ABTB2: variants seen among roughly 807,000 people sequenced by gnomAD.
ABTB2 encodes ankyrin repeat and BTB/POZ domain-containing protein 2.
ABTB2 carries 56 observed loss-of-function variants against 104.1 expected under a neutral mutation model. That is an observed-to-expected ratio of 0.54 (90% confidence interval 0.43 to 0.67). ABTB2 has a LOEUF of 0.67. Among genes scored for constraint, ABTB2 ranks in the 30% least tolerant of loss-of-function variants. The pLI is 0.00. For missense variants in ABTB2, 1,279 were observed against 1,407.7 expected, an observed-to-expected ratio of 0.91 and a Z score of 1.46; for synonymous variants, 606 against 608.2, an observed-to-expected ratio of 1.00 and a Z score of 0.05.
chr11:34,311,058 C>G (rs1349696555), intron 1 of ABTB2, among the ~76,000 whole-genome samples: 1 of 152,212 alleles, frequency 6.6e-6, no homozygotes, highest in African/African-American at 2.4e-5. Context: ...AGCCTGACCC[C>G]TTCCACTGCC....
intron 4 of ABTB2, 139 bp from the exon 5 acceptor site, chr11:34,171,210 G>A (rs1852870011): frequency 7.2e-6 from 6 of 835,828 alleles, no homozygotes; most frequent in Middle Eastern, 5.9e-4. Flanking sequence ...GATCAGATCA[G>A]CAATTACTGT....
chr11:34,329,705 A>G (rs1239532720), intron 1 of ABTB2, among the ~76,000 whole-genome samples: 1 of 152,380 alleles, frequency 6.6e-6, no homozygotes, highest in East Asian at 1.9e-4. Context: ...TAATGGAGCC[A>G]ACCCAGGAGC....
intron 1 of ABTB2, among the ~76,000 whole-genome samples, chr11:34,355,551 G>C (rs115106474): frequency 6.6e-6 from 1 of 152,104 alleles, no homozygotes; most frequent in Non-Finnish European, 1.5e-5. Flanking sequence ...ACACATTAAG[G>C]GTTATTTTGC....
chr11:34,281,193 G>A (rs1168663191), intron 1 of ABTB2, among the ~76,000 whole-genome samples: 1 of 152,160 alleles, frequency 6.6e-6, no homozygotes, highest in African/African-American at 2.4e-5. Flanking sequence ...GTGTACAGGT[G>A]TGGGCATCTT....
chr11:34,313,955 T>C (rs757377676), intron 1 of ABTB2, among the ~76,000 whole-genome samples: 18 of 152,044 alleles, frequency 1.2e-4, no homozygotes, highest in Non-Finnish European at 2.5e-4. Flanking sequence ...GTGGGGCAGG[T>C]TGGAGGGCAC....
intron 1 of ABTB2, among the ~76,000 whole-genome samples, chr11:34,221,826 G>A (rs917190705): frequency 1.3e-5 from 2 of 152,200 alleles, no homozygotes; most frequent in East Asian, 3.9e-4. Flanking sequence ...ATCACCTGAG[G>A]TCGGGAGTTC....
intron 1 of ABTB2, among the ~76,000 whole-genome samples, chr11:34,282,245 T>C (rs778638348): frequency 1.3e-5 from 2 of 152,088 alleles, no homozygotes; most frequent in Non-Finnish European, 2.9e-5. Context: ...TATCAACATA[T>C]GAATCTGGGG....
intron 10 of ABTB2, among the ~76,000 whole-genome samples, chr11:34,161,296 T>G (rs1852718134): frequency 6.6e-6 from 1 of 151,980 alleles, no homozygotes; most frequent in East Asian, 1.9e-4. Flanking sequence ...TAGGTCTTGC[T>G]GGCAGGTCAG....
At chr11:34,313,006 AAAG>A (rs1854877273) in intron 1 of ABTB2, among the ~76,000 whole-genome samples, 1 of 152,230 alleles carries the variant, frequency 6.6e-6, no homozygotes, top group Admixed American at 6.5e-5. Context: ...AAAAAAGAAA[AAAG>A]AAAGAATAGA....
intron 7 of ABTB2, among the ~76,000 whole-genome samples, chr11:34,166,694 G>A (rs1852805069): frequency 6.6e-6 from 1 of 152,224 alleles, no homozygotes; most frequent in African/African-American, 2.4e-5. Context: ...CTGCTGGCAT[G>A]GGGAGCTGCT....
chr11:34,215,905 C>T (rs75553825), intron 1 of ABTB2, among the ~76,000 whole-genome samples: 4,584 of 152,112 alleles, frequency 0.03, 231 homozygotes, highest in African/African-American at 0.11. Context: ...CAAGGCCACT[C>T]GATTCTGTTA....
intron 1 of ABTB2, among the ~76,000 whole-genome samples, chr11:34,223,506 A>G (rs1028057101): frequency 1.3e-5 from 2 of 151,938 alleles, no homozygotes; most frequent in Non-Finnish European, 2.9e-5. Context: ...CTCCCTCCCA[A>G]CCACACACAC....
At chr11:34,276,093 T>C (rs1854378950) in intron 1 of ABTB2, among the ~76,000 whole-genome samples, 1 of 152,156 alleles carries the variant, frequency 6.6e-6, no homozygotes, top group African/African-American at 2.4e-5. Flanking sequence ...GGCTTTGAAT[T>C]GACAACTCAG....
intron 1 of ABTB2, among the ~76,000 whole-genome samples, chr11:34,270,571 C>T (rs946692937): frequency 6.6e-6 from 1 of 152,172 alleles, no homozygotes; most frequent in African/African-American, 2.4e-5. Context: ...AACTCCTGAC[C>T]TCAGGTGATC....
chr11:34,162,241 C>A (rs1301725146), intron 10 of ABTB2, among the ~76,000 whole-genome samples: 1 of 152,236 alleles, frequency 6.6e-6, no homozygotes, highest in Non-Finnish European at 1.5e-5. Context: ...AGTCCCGGGG[C>A]TTCAGAGGCT....
chr11:34,154,485 T>C lies in ABTB2; in HGVS notation c.2767-107A>G. On this transcript the variant is annotated intron_variant, in intron 15 of 16. Coordinates refer to ENST00000435224, the MANE Select transcript of ABTB2 (RefSeq NM_145804.3). The surrounding 1 kb of genome is among the most constrained non-coding windows in gnomAD (Gnocchi z 4.9). ...GCCGTGTGCCCTGCTGCCTCCACCC[T>C]CAGGCCCCACTACCTTCTGATACTC... 1.1e-6 allele frequency: 1 copy of C among 900,036 alleles called. No homozygotes were observed. Among genetic ancestry groups the C allele is most frequent in the Non-Finnish European group, 1.7e-6 (1 of 572,986 alleles). The allele number at this position is 900,036 out of a possible 1,614,324, so 55.8% of individuals were successfully genotyped here. A position where few individuals can be genotyped will look rare whatever the true frequency, so the allele number is the denominator to read the frequency against.
At chr11:34,162,510 C>G in intron 10 of ABTB2, 66 bp downstream of exon 10, 1 of 1,526,004 alleles carries the variant, frequency 6.6e-7, no homozygotes, top group South Asian at 1.2e-5. Flanking sequence ...TGAAGAGCAG[C>G]AGGGAGTGAC....
chr11:34,158,239 C>T (rs1392326738), intron 14 of ABTB2, among the ~76,000 whole-genome samples: 1 of 152,144 alleles, frequency 6.6e-6, no homozygotes, highest in African/African-American at 2.4e-5. Context: ...ATGGTAAATC[C>T]CATCTCTATT....
intron 1 of ABTB2, among the ~76,000 whole-genome samples, chr11:34,351,586 T>G (rs745826964): frequency 1.6e-4 from 23 of 145,574 alleles, no homozygotes; most frequent in Non-Finnish European, 2.8e-4. Flanking sequence ...ATTTTCTGCC[T>G]TGGTAGAAAT....
Sources: gnomAD v4.1 joint callset for allele counts (sites outside exome capture counted in the v4.1 genomes callset) on GRCh38, gnomAD v4.1.1 for gene constraint, Gnocchi (gnomAD v3.1) non-coding constraint, MANE v1.5 for transcripts, NCBI Gene and HGNC (gene_info 2026-07-23, HGNC 2026-07-21) for gene names.